The following TMEM120B variants were observed in gnomAD, a reference collection of about 807,000 sequenced individuals.
TMEM120B encodes the protein transmembrane protein 120B.
Under a neutral mutation model 55.5 loss-of-function variants are expected in TMEM120B, and 31 were observed. The ratio of observed to expected loss-of-function variants is 0.56; its 90% CI spans 0.42 to 0.75. The LOEUF (loss-of-function observed/expected upper bound fraction) is 0.75, where lower values mean the gene tolerates loss of function less well. Ranked by LOEUF, TMEM120B falls within the 30% of genes least tolerant of loss-of-function variation. TMEM120B has a pLI of 0.00. For synonymous variants in TMEM120B, 203 were observed against 176.3 expected (o/e 1.15, Z -1.20); for missense variants, 399 against 425.5 (o/e 0.94, Z 0.55).
In TMEM120B at chr12:121,752,173, C is replaced by G; in HGVS notation, c.411C>G (p.Thr137=). ...DEYEKFKLYL[T]IILLLGAVAC... Reference sequence around the variant, plus strand: ...ATGAGAAGTTCAAGCTCTACCTGACCATCATCCTGCTCCTGGGTGCCGTGG... The same window carrying G: ...ATGAGAAGTTCAAGCTCTACCTGACGATCATCCTGCTCCTGGGTGCCGTGG... The change falls in exon 5 of 12, where the codon ACC becomes ACG. Residue 137 remains threonine (T), a synonymous_variant. Coordinates refer to ENST00000449592, the MANE Select transcript of TMEM120B (RefSeq NM_001080825.2). 1.2e-6 allele frequency: 2 copies of G among 1,613,754 alleles called. No individual in the cohort carries two copies. Among genetic ancestry groups the G allele is most frequent in the South Asian group, 2.2e-5 (2 of 91,080 alleles).
intron 1 of TMEM120B, among the ~76,000 whole-genome samples, chr12:121,738,925 G>A (rs1186094488): frequency 1.3e-5 from 2 of 152,160 alleles, no homozygotes; most frequent in African/African-American, 4.8e-5. Flanking sequence ...GGTGGCTCAT[G>A]CCTGTAATCC....
chr12:121,774,516 CAGGTG>C, intron 9 of TMEM120B, 137 bp from the exon 10 acceptor site: 1 of 704,620 alleles, frequency 1.4e-6, no homozygotes. Flanking sequence ...CCAGCTATGA[CAGGTG>C]AGGGCTGACC....
intron 10 of TMEM120B, 48 bp downstream of exon 10, chr12:121,774,770 C>A: frequency 6.3e-7 from 1 of 1,598,766 alleles, no homozygotes. Flanking sequence ...GGCTGACCCC[C>A]AGGAACAGAA....
intron 3 of TMEM120B, among the ~76,000 whole-genome samples, chr12:121,750,110 C>T (rs1187642150): frequency 1.3e-5 from 2 of 151,994 alleles, no homozygotes; most frequent in Non-Finnish European, 2.9e-5. Context: ...GTCACCTGCT[C>T]ACATCTGGCT....
In TMEM120B at chr12:121,776,465, A is replaced by AGGGGAGAGTGGG; in HGVS notation, c.*744_*745insGGGAGAGTGGGG. 6.6e-6 allele frequency: 1 copy of AGGGGAGAGTGGG among 152,398 alleles called. No homozygotes were observed. Among genetic ancestry groups the AGGGGAGAGTGGG allele is most frequent in the East Asian group, 1.9e-4 (1 of 5,174 alleles). The allele number at this position is 152,398 out of a possible 1,614,324, so 9.4% of individuals were successfully genotyped here. On this transcript the variant is annotated 3_prime_UTR_variant, in exon 12 of 12. Transcript: ENST00000449592. ...GGCAGGTACTTGGAGAGTGGGACCAAGACCCTTGGCCCCTGTGGAGGGGAA... is the reference window on the plus strand; with the variant it reads ...GGCAGGTACTTGGAGAGTGGGACCAAGGGGAGAGTGGGGACCCTTGGCCCCTGTGGAGGGGAA...
chr12:121,760,865 T>G (rs1566521622), intron 5 of TMEM120B, among the ~76,000 whole-genome samples: 1 of 152,138 alleles, frequency 6.6e-6, no homozygotes, highest in Non-Finnish European at 1.5e-5. Context: ...GTAGGGCCCA[T>G]AGGTAATTTT....
chr12:121,777,062 T>A lies in TMEM120B; in HGVS notation c.*1340T>A. ...CCTCTGCCTCCCAGGTTCAAGTGAT[T>A]CTCCTGCCTCAGCCTCCCGAGTAAC... On this transcript the variant is annotated 3_prime_UTR_variant, in exon 12 of 12. Transcript: ENST00000449592. The A allele has an allele frequency of 6.6e-6, 1 of 152,026 alleles. No individual in the cohort carries two copies. The highest frequency in any genetic ancestry group is 2.1e-4 in the South Asian group (1 of 4,816). 9.4% of individuals were successfully genotyped at this position (152,026 alleles called of 1,614,324 possible). A position where few individuals can be genotyped will look rare whatever the true frequency, so the allele number is the denominator to read the frequency against.
At chr12:121,757,041 CCA>C (rs1398578953) in intron 5 of TMEM120B, among the ~76,000 whole-genome samples, 1 of 152,016 alleles carries the variant, frequency 6.6e-6, no homozygotes, top group Non-Finnish European at 1.5e-5. Flanking sequence ...CAGAGAGCGT[CCA>C]CAGTCTCAGA....
intron 4 of TMEM120B, among the ~76,000 whole-genome samples, chr12:121,750,732 C>T (rs1873262474): frequency 6.9e-6 from 1 of 145,840 alleles, no homozygotes; most frequent in Non-Finnish European, 1.5e-5. Context: ...ACCCTACACC[C>T]ACACCCCATA....
intron 6 of TMEM120B, among the ~76,000 whole-genome samples, chr12:121,769,885 C>T (rs977360411): frequency 2.0e-5 from 3 of 152,038 alleles, no homozygotes; most frequent in African/African-American, 7.2e-5. Context: ...AAGAAAGGCA[C>T]GTAATTGCAG....
chr12:121,716,184 T>G (rs1235447892), intron 1 of TMEM120B, among the ~76,000 whole-genome samples: 2 of 151,346 alleles, frequency 1.3e-5, no homozygotes, highest in Non-Finnish European at 2.9e-5. Context: ...GGTGCATGGT[T>G]GTGGTCCCAG....
rs111728275 is a variant in TMEM120B, at chr12:121,747,269, G to T, written c.189-1057G>T. ...GAGGCACTGGGGTAGAAGGTGGGAG[G>T]CTGGGGTAGAAGGCGGGAGGCTGGG... On this transcript the variant is annotated intron_variant, in intron 2 of 11. Coordinates refer to ENST00000449592, the MANE Select transcript of TMEM120B (RefSeq NM_001080825.2). Among the ~76,000 whole-genome samples, 98 of 125,730 alleles carry T rather than the reference G, an allele frequency of 7.8e-4. 4 individuals are homozygous for T. The highest frequency in any genetic ancestry group is 3.1e-3 in the African/African-American group (81 of 26,446). 82.5% of individuals were successfully genotyped at this position (125,730 alleles called of 152,430 possible).
intron 1 of TMEM120B, among the ~76,000 whole-genome samples, chr12:121,738,953 G>C (rs1043127178): frequency 5.3e-5 from 8 of 151,464 alleles, no homozygotes; most frequent in African/African-American, 2.0e-4. Flanking sequence ...TTGGGAGGCC[G>C]AGGTGGGAGG....
intron 6 of TMEM120B, among the ~76,000 whole-genome samples, chr12:121,768,278 AG>A (rs1873912198): frequency 6.6e-6 from 1 of 152,186 alleles, no homozygotes; most frequent in South Asian, 2.1e-4. Context: ...CACACCTCCC[AG>A]GCATCATTCA....
intron 1 of TMEM120B, among the ~76,000 whole-genome samples, chr12:121,734,705 G>A (rs1895071489): frequency 6.6e-6 from 1 of 152,056 alleles, no homozygotes; most frequent in Non-Finnish European, 1.5e-5. Flanking sequence ...CCTGAGGTCA[G>A]GAGTTTGAAA....
At position 121,761,964 on chromosome 12, in the gene TMEM120B, T is replaced by C. The variant is rs142794171; in HGVS notation, c.551+226T>C. Among the ~76,000 whole-genome samples the C allele has an allele frequency of 2.0e-5, 3 of 152,260 alleles. No individual in the cohort carries two copies. In the East Asian group the frequency reaches 5.8e-4, roughly 29 times the overall value. ...GAGCAATAGAAGACCTAACTCAGAC[T>C]GGCTCAACACAATAAGAAACATATT... On this transcript the variant is annotated intron_variant, in intron 6 of 11. Coordinates refer to ENST00000449592, the MANE Select transcript of TMEM120B (RefSeq NM_001080825.2).
At chr12:121,758,280 A>G in intron 5 of TMEM120B, 5 of 985,488 alleles carry the variant, frequency 5.1e-6, no homozygotes, top group Non-Finnish European at 6.0e-6. Context: ...GGCTGAGGCC[A>G]GTGGGGCTCT....
At chr12:121,750,999 C>CCCACACCCCACACT (rs1873295722) in intron 4 of TMEM120B, among the ~76,000 whole-genome samples, 4 of 118,712 alleles carry the variant, frequency 3.4e-5, no homozygotes, top group African/African-American at 1.3e-4. Flanking sequence ...CACCCCACAC[C>CCCACACCCCACACT]CCATATTCAC....
In TMEM120B at chr12:121,775,987, G is replaced by T; in HGVS notation, c.*265G>T. The T allele has an allele frequency of 1.7e-6, 1 of 595,000 alleles. No individual in the cohort carries two copies. The highest frequency in any genetic ancestry group is 2.0e-5 in the South Asian group (1 of 49,180). 36.9% of individuals were successfully genotyped at this position (595,000 alleles called of 1,614,324 possible). On this transcript the variant is annotated 3_prime_UTR_variant, in exon 12 of 12. Coordinates refer to ENST00000449592, the MANE Select transcript of TMEM120B (RefSeq NM_001080825.2). The surrounding 1 kb of genome is among the most constrained non-coding windows in gnomAD (Gnocchi z 4.3). The stretch of plus-strand genomic sequence containing the variant: ...CTGTGCTTGAAGGTGGCTGAGGCCG[G>T]GCCAGTCTTCCTGGGGATGGGGCCT...
Sources: gnomAD v4.1 joint callset for allele counts (sites outside exome capture counted in the v4.1 genomes callset) on GRCh38, gnomAD v4.1.1 for gene constraint, Gnocchi (gnomAD v3.1) non-coding constraint, MANE v1.5 for transcripts, NCBI Gene and HGNC (gene_info 2026-07-23, HGNC 2026-07-21) for gene names.